Variants in CACNA2D3 observed in about 807,000 individuals in gnomAD.
The protein encoded by CACNA2D3 is calcium voltage-gated channel auxiliary subunit alpha2delta 3.
In CACNA2D3, 60 loss-of-function variants were observed where a neutral mutation model predicts 160.6. The observed-to-expected ratio is 0.37, with a 90% CI of 0.30 to 0.46. The LOEUF is 0.46. Ranked by LOEUF, CACNA2D3 falls within the 20% of genes least tolerant of loss-of-function variation. The pLI is 1.00. For synonymous variants in CACNA2D3, 558 were observed against 492.9 expected (o/e 1.13, Z -1.75); for missense variants, 1,205 against 1,365.0 (o/e 0.88, Z 1.85).
At chr3:54,734,719 C>T (rs1701462304) in intron 11 of CACNA2D3, among the ~76,000 whole-genome samples, 1 of 152,206 alleles carries the variant, frequency 6.6e-6, no homozygotes, top group Non-Finnish European at 1.5e-5. Flanking sequence ...AAAATGGTTT[C>T]TGAGGGCAGT....
Position 54,627,807 on chromosome 3 carries a change from C to G in CACNA2D3, c.984C>G (p.Asp328Glu), listed in dbSNP as rs1181132421. 2.5e-6 allele frequency: 4 copies of G among 1,610,410 alleles called. No individual in the cohort carries two copies. The highest frequency in any genetic ancestry group is 2.2e-5 in the East Asian group (1 of 44,848). Residue 328 changes from aspartate (D) to glutamate (E), a missense_variant, in exon 10 of 38, where the codon GAC becomes GAG. Physicochemically the swap from Asp to Glu is conservative, Grantham distance 45 (BLOSUM62 2). Around this residue, in one of 3 missense-constraint regions of CACNA2D3, gnomAD observed 911 missense variants for 1,002.2 expected, o/e 0.91. Coordinates refer to ENST00000474759, the MANE Select transcript of CACNA2D3 (RefSeq NM_018398.3). ...TNKEHFREHL[D>E]KLFAKGIGML... ...TTCAGCACTTCAGGGAGCATCTGGA[C>G]AAACTTTTCGCCAAAGGAATTGGAA...
At chr3:54,769,074 C>T (rs1702270867) in intron 13 of CACNA2D3, among the ~76,000 whole-genome samples, 1 of 152,108 alleles carries the variant, frequency 6.6e-6, no homozygotes. Flanking sequence ...CTTATGTGGA[C>T]CTGGATTCTG....
At chr3:54,289,535 T>C (rs1308838462) in intron 2 of CACNA2D3, among the ~76,000 whole-genome samples, 2 of 151,806 alleles carry the variant, frequency 1.3e-5, no homozygotes, top group African/African-American at 4.8e-5. Context: ...AATGACTTTC[T>C]TCACAGAATT....
chr3:54,706,752 T>C (rs769008533), intron 11 of CACNA2D3, among the ~76,000 whole-genome samples: 28 of 152,212 alleles, frequency 1.8e-4, no homozygotes, highest in Non-Finnish European at 3.5e-4. Flanking sequence ...GGCTGCGTGA[T>C]AACATTTAAA....
intron 3 of CACNA2D3, among the ~76,000 whole-genome samples, chr3:54,330,363 A>T (rs182772612): frequency 7.9e-5 from 12 of 151,782 alleles, no homozygotes; most frequent in Admixed American, 7.2e-4. Context: ...ATAGAGAGGA[A>T]CTTCTCTAGT....
intron 11 of CACNA2D3, among the ~76,000 whole-genome samples, chr3:54,643,056 C>T (rs1699558108): frequency 6.6e-6 from 1 of 152,182 alleles, no homozygotes; most frequent in African/African-American, 2.4e-5. Flanking sequence ...GAAAAGACAT[C>T]AAAGTGGGTG....
At chr3:54,383,107 C>G (rs1417583282) in intron 3 of CACNA2D3, among the ~76,000 whole-genome samples, 1 of 152,192 alleles carries the variant, frequency 6.6e-6, no homozygotes, top group Non-Finnish European at 1.5e-5. Flanking sequence ...CTTGGCCTCC[C>G]AAAGTGCTGG....
At chr3:54,646,978 A>G (rs1699664929) in intron 11 of CACNA2D3, among the ~76,000 whole-genome samples, 1 of 152,226 alleles carries the variant, frequency 6.6e-6, no homozygotes. Context: ...GCCAGAAACT[A>G]CAGGCAGCCT....
At chr3:54,818,649 A>G (rs183685495) in intron 14 of CACNA2D3, among the ~76,000 whole-genome samples, 41 of 152,350 alleles carry the variant, frequency 2.7e-4, no homozygotes, top group African/African-American at 9.4e-4. Flanking sequence ...TATTGTGGTC[A>G]TATAAAAGTC....
At chr3:54,569,107 A>G (rs1702453458) in intron 6 of CACNA2D3, among the ~76,000 whole-genome samples, 1 of 152,202 alleles carries the variant, frequency 6.6e-6, no homozygotes, top group Non-Finnish European at 1.5e-5. Context: ...ATGATATTTT[A>G]TTCTTAAAAA....
intron 11 of CACNA2D3, among the ~76,000 whole-genome samples, chr3:54,681,507 G>A (rs1205469103): frequency 7.0e-6 from 1 of 142,892 alleles, no homozygotes; most frequent in Non-Finnish European, 1.5e-5. Context: ...AGTGGGCCAA[G>A]ATCGCATTCA....
intron 35 of CACNA2D3, among the ~76,000 whole-genome samples, chr3:55,032,603 A>G (rs904950989): frequency 2.0e-5 from 3 of 152,152 alleles, no homozygotes; most frequent in African/African-American, 7.2e-5. Flanking sequence ...TTGAGATCTC[A>G]ATGCCATCAG....
At chr3:54,412,626 T>TTTTTTTTTTTTTTC (rs1699688455) in intron 4 of CACNA2D3, among the ~76,000 whole-genome samples, 9 of 131,308 alleles carry the variant, frequency 6.9e-5, no homozygotes, top group Admixed American at 1.5e-4. Flanking sequence ...TTTTTTAGTC[T>TTTTTTTTTTTTTTC]GACAACCTCT....
At chr3:54,168,286 C>A (rs1559869847) in intron 2 of CACNA2D3, among the ~76,000 whole-genome samples, 1 of 152,168 alleles carries the variant, frequency 6.6e-6, no homozygotes, top group Admixed American at 6.5e-5. Flanking sequence ...TTTGTAACTT[C>A]CATTCGCTTG....
intron 3 of CACNA2D3, among the ~76,000 whole-genome samples, chr3:54,342,512 T>A (rs1377973675): frequency 6.6e-6 from 1 of 151,700 alleles, no homozygotes; most frequent in Non-Finnish European, 1.5e-5. Context: ...TGGATAGGAG[T>A]GGGGTAGATC....
Position 54,127,179 on chromosome 3 carries a change from A to G in CACNA2D3, c.204+3585A>G, listed in dbSNP as rs1699611666. 1.3e-5 allele frequency among the ~76,000 whole-genome samples: 2 copies of G among 152,220 alleles called. 1 individual carries two copies. Among genetic ancestry groups the G allele is most frequent in the South Asian group, 4.1e-4 (2 of 4,830 alleles). ...AAGGGTTCCAGTTACATTTTCCAGA[A>G]TCATGATGATAAATACACAACGGAA... On this transcript the variant is annotated intron_variant, in intron 2 of 37. Transcript: ENST00000474759.
At chr3:54,503,343 C>A in intron 4 of CACNA2D3, 149 bp from the exon 5 acceptor site, 1 of 629,420 alleles carries the variant, frequency 1.6e-6, no homozygotes, top group Non-Finnish European at 2.8e-6. Context: ...CAAAAGCAGC[C>A]ATGGACAGTA....
At chr3:54,214,940 T>C (rs1701434369) in intron 2 of CACNA2D3, among the ~76,000 whole-genome samples, 1 of 152,172 alleles carries the variant, frequency 6.6e-6, no homozygotes, top group South Asian at 2.1e-4. Context: ...GTAAGCCTGA[T>C]AGGGGAAAAC....
rs1168806206 is a variant in CACNA2D3 at position 54,626,598 on chromosome 3, C to A, written c.964-1189C>A. The A allele has an allele frequency of 4.9e-6, 7 of 1,427,184 alleles. No individual in the cohort carries two copies. The African/African-American group carries it at 9.0e-5, about 18-fold the overall frequency. 88.4% of individuals were successfully genotyped at this position (1,427,184 alleles called of 1,614,324 possible). A position where few individuals can be genotyped will look rare whatever the true frequency, so the allele number is the denominator to read the frequency against. ...TCACCTACAAGCCCATAAAGCACGG[C>A]GGGCCCGGCATCGGGGCCAGCCACT... On this transcript the variant is annotated intron_variant, in intron 9 of 37. Coordinates refer to ENST00000474759, the MANE Select transcript of CACNA2D3 (RefSeq NM_018398.3).
Sources: allele counts gnomAD v4.1 joint callset (sites outside exome capture counted in the v4.1 genomes callset), GRCh38; gene constraint gnomAD v4.1.1; regional missense constraint gnomAD v4.1.1; transcripts MANE v1.5; gene names NCBI Gene and HGNC (gene_info 2026-07-23, HGNC 2026-07-21).